ACTR3B: variants seen among roughly 807,000 people sequenced by gnomAD.
ACTR3B encodes actin-related protein 3B.
A neutral mutation model predicts 59.0 loss-of-function variants in ACTR3B; 8 were observed. The observed-to-expected ratio is 0.14, with a 90% CI of 0.08 to 0.24. The LOEUF is 0.24. Among genes scored for constraint, ACTR3B ranks in the 10% least tolerant of loss-of-function variants. ACTR3B has a pLI of 1.00. For missense variants in ACTR3B, 245 were observed against 552.3 expected, an observed-to-expected ratio of 0.44 and a Z score of 5.58; for synonymous variants, 148 against 197.9, an observed-to-expected ratio of 0.75 and a Z score of 2.12.
intron 1 of ACTR3B, among the ~76,000 whole-genome samples, chr7:152,775,976 A>G (rs1487108196): frequency 2.0e-5 from 3 of 151,930 alleles, no homozygotes; most frequent in South Asian, 2.1e-4. Context: ...TTATGCAGCT[A>G]TTGATTGGGT....
intron 9 of ACTR3B, among the ~76,000 whole-genome samples, chr7:152,848,034 T>C (rs992935293): frequency 6.6e-6 from 1 of 152,220 alleles, no homozygotes; most frequent in Non-Finnish European, 1.5e-5. Context: ...TGATAGAATT[T>C]AGGAGACTTA....
At chr7:152,789,997 C>A (rs200423299) in intron 2 of ACTR3B, among the ~76,000 whole-genome samples, 1 of 102,842 alleles carries the variant, frequency 9.7e-6, no homozygotes, top group African/African-American at 4.4e-5. Context: ...TGTACTCTTT[C>A]TTTTTTTTTT....
rs2098242189 is a variant in ACTR3B, at chr7:152,803,172, A to G, written c.336+1441A>G. Among the ~76,000 whole-genome samples, 5 of 152,158 alleles carry G rather than the reference A, an allele frequency of 3.3e-5. No individual in the cohort carries two copies. In the South Asian group the frequency reaches 1.0e-3, roughly 32 times the overall value. ...TTGATCCTCCCACCTCAACCACCTG[A>G]GTAGCTCGGACCACAGGTAGAAGCC... On this transcript the variant is annotated intron_variant, in intron 4 of 11. Transcript: ENST00000256001.
intron 2 of ACTR3B, among the ~76,000 whole-genome samples, chr7:152,797,730 A>T (rs1474034473): frequency 2.0e-5 from 3 of 151,948 alleles, no homozygotes; most frequent in African/African-American, 7.2e-5. Flanking sequence ...TCTATAGCCT[A>T]CCTCTATGAG....
At chr7:152,838,937 A>G (rs1381993795) in intron 9 of ACTR3B, among the ~76,000 whole-genome samples, 1 of 152,108 alleles carries the variant, frequency 6.6e-6, no homozygotes, top group Non-Finnish European at 1.5e-5. Context: ...TGGGTTTTGA[A>G]GTATATCCAG....
chr7:152,834,446 G>T (rs146234605), intron 9 of ACTR3B, among the ~76,000 whole-genome samples: 1,839 of 152,308 alleles, frequency 0.012, 37 homozygotes, highest in African/African-American at 0.042. Context: ...GAGCCACCGC[G>T]CCCGGTTGTC....
At chr7:152,763,313 C>CAAAAAAAA (rs925259822) in intron 1 of ACTR3B, among the ~76,000 whole-genome samples, 1 of 20,492 alleles carries the variant, frequency 4.9e-5, no homozygotes, top group African/African-American at 1.6e-4. Flanking sequence ...GACTCCATCT[C>CAAAAAAAA]AAAAAAAAAA....
intron 1 of ACTR3B, among the ~76,000 whole-genome samples, chr7:152,773,039 T>G (rs968546881): frequency 1.3e-5 from 2 of 152,066 alleles, no homozygotes; most frequent in Non-Finnish European, 2.9e-5. Context: ...AAACAGACTT[T>G]GTATACCTTT....
chr7:152,790,750 A>C lies in ACTR3B; in HGVS notation c.100+7508A>C, dbSNP rs1182417274. ...TTTATTCCTTCAAGCTTTAGTAAAA[A>C]TATCTAACAGTCTTTTGAGAAATAT... On this transcript the variant is annotated intron_variant, in intron 2 of 11. Transcript: ENST00000256001. Among the ~76,000 whole-genome samples, 7 of 152,266 alleles carry C rather than the reference A, an allele frequency of 4.6e-5. No homozygotes were observed. The East Asian group carries it at 1.3e-3, about 29-fold the overall frequency.
At chr7:152,775,157 C>T (rs1340659808) in intron 1 of ACTR3B, among the ~76,000 whole-genome samples, 1 of 133,814 alleles carries the variant, frequency 7.5e-6, no homozygotes, top group East Asian at 2.3e-4. Flanking sequence ...CACCACTGCA[C>T]TCCAGCCTGG....
chr7:152,835,854 C>T (rs1389826370), intron 9 of ACTR3B, among the ~76,000 whole-genome samples: 3 of 152,148 alleles, frequency 2.0e-5, no homozygotes, highest in African/African-American at 7.2e-5. Context: ...CTCAAGAGGG[C>T]GACCATTTTG....
At chr7:152,787,996 C>T (rs1376524173) in intron 2 of ACTR3B, among the ~76,000 whole-genome samples, 4 of 152,066 alleles carry the variant, frequency 2.6e-5, no homozygotes, top group Non-Finnish European at 5.9e-5. Flanking sequence ...GTGATCTTGG[C>T]TCATTGCAAC....
intron 9 of ACTR3B, among the ~76,000 whole-genome samples, chr7:152,849,584 A>C (rs1798633804): frequency 6.6e-6 from 1 of 152,256 alleles, no homozygotes; most frequent in Admixed American, 6.5e-5. Flanking sequence ...CTCTTGGGCC[A>C]CACATAAAAT....
intron 2 of ACTR3B, among the ~76,000 whole-genome samples, chr7:152,789,372 A>G (rs1387266842): frequency 5.3e-5 from 8 of 149,992 alleles, no homozygotes; most frequent in Non-Finnish European, 1.0e-4. Context: ...TGCCTGGGTG[A>G]CACAGTGAGA....
At chr7:152,803,433 T>C (rs959315429) in intron 4 of ACTR3B, among the ~76,000 whole-genome samples, 2 of 152,298 alleles carry the variant, frequency 1.3e-5, no homozygotes. Context: ...AAATCACAGA[T>C]TCCCACCTGT....
At chr7:152,765,441 A>T in intron 1 of ACTR3B, among the ~76,000 whole-genome samples, 1 of 143,218 alleles carries the variant, frequency 7.0e-6, no homozygotes, top group East Asian at 2.0e-4. Context: ...TTAAATAGTC[A>T]TTCCACATAT....
chr7:152,820,527 C>T (rs914421275), intron 7 of ACTR3B, 85 bp downstream of exon 7: 2 of 1,500,292 alleles, frequency 1.3e-6, no homozygotes, highest in South Asian at 1.3e-5. Flanking sequence ...CATCCCTGCT[C>T]CTCCTTTCCT....
intron 1 of ACTR3B, among the ~76,000 whole-genome samples, chr7:152,779,011 C>T (rs1590222976): frequency 7.8e-6 from 1 of 128,312 alleles, no homozygotes; most frequent in East Asian, 2.5e-4. Flanking sequence ...TTCTTCTGAA[C>T]TTCTGACCAG....
chr7:152,768,477 T>C (rs2098116258), intron 1 of ACTR3B, among the ~76,000 whole-genome samples: 1 of 152,188 alleles, frequency 6.6e-6, no homozygotes, highest in Non-Finnish European at 1.5e-5. Context: ...GCGAATGTTC[T>C]TTGTATTCAT....
Sources: gnomAD v4.1 joint callset for allele counts (sites outside exome capture counted in the v4.1 genomes callset) on GRCh38, gnomAD v4.1.1 for gene constraint, MANE v1.5 for transcripts, NCBI Gene and HGNC (gene_info 2026-07-23, HGNC 2026-07-21) for gene names.